AKAP13: variants seen among roughly 807,000 people sequenced by gnomAD.
AKAP13 encodes the protein A-kinase anchor protein 13.
Under a neutral mutation model 264.5 loss-of-function variants are expected in AKAP13, and 80 were observed. The ratio of observed to expected loss-of-function variants is 0.30; its 90% CI spans 0.25 to 0.36. The LOEUF (loss-of-function observed/expected upper bound fraction) is 0.36. Ranked by LOEUF, AKAP13 falls within the 10% of genes least tolerant of loss-of-function variation. AKAP13 has a pLI of 1.00. For missense variants in AKAP13, 3,712 were observed against 3,435.2 expected, an observed-to-expected ratio of 1.08 and a Z score of -2.01; for synonymous variants, 1,380 against 1,250.2, an observed-to-expected ratio of 1.10 and a Z score of -2.19.
chr15:85,648,429 A>C (rs2082657338), intron 10 of AKAP13, among the ~76,000 whole-genome samples: 2 of 152,194 alleles, frequency 1.3e-5, no homozygotes, highest in African/African-American at 4.8e-5. Flanking sequence ...TTAGCTAAGG[A>C]GAATTAGAAT....
chr15:85,742,990 TAA>T (rs1491573049), intron 35 of AKAP13, among the ~76,000 whole-genome samples: 2 of 152,166 alleles, frequency 1.3e-5, no homozygotes, highest in African/African-American at 4.8e-5. Flanking sequence ...CCCAGGCAGC[TAA>T]GAGAACCCAG....
At chr15:85,704,813 G>A (rs982579034) in intron 17 of AKAP13, among the ~76,000 whole-genome samples, 2 of 152,148 alleles carry the variant, frequency 1.3e-5, no homozygotes, top group Non-Finnish European at 2.9e-5. Flanking sequence ...TTGTGTTCTT[G>A]GTAATTTTCT....
rs1279517466 is a variant in AKAP13 at position 85,709,681 on chromosome 15, T to TTTTATTTTATTTTAC, written c.5533-884_5533-883insCTTTATTTTATTTTA. 3.7e-4 allele frequency among the ~76,000 whole-genome samples: 56 copies of TTTTATTTTATTTTAC among 151,566 alleles called. No homozygotes were observed. In the East Asian group the frequency reaches 0.01, roughly 27 times the overall value. ...GGGAATTTTATTTTATTTTATTTTA[T>TTTTATTTTATTTTAC]TTTATTTTATTTTATTTTATTTTAG... On this transcript the variant is annotated intron_variant, in intron 18 of 36. Transcript: ENST00000394518.
chr15:85,673,923 C>T (rs1338572862), intron 14 of AKAP13, among the ~76,000 whole-genome samples: 2 of 151,766 alleles, frequency 1.3e-5, no homozygotes, highest in Non-Finnish European at 2.9e-5. Context: ...GATCTCCTGA[C>T]CTCATGATCT....
intron 1 of AKAP13, among the ~76,000 whole-genome samples, chr15:85,406,717 T>G (rs1259233055): frequency 6.6e-6 from 1 of 151,778 alleles, no homozygotes; most frequent in Non-Finnish European, 1.5e-5. Flanking sequence ...AATTGGCTAA[T>G]AAGTTGTTTG....
chr15:85,684,570 A>G (rs1366063811), intron 15 of AKAP13, 171 bp from the exon 16 acceptor site: 8 of 628,358 alleles, frequency 1.3e-5, no homozygotes, highest in Non-Finnish European at 1.9e-5. Flanking sequence ...ACAAGAAAAC[A>G]TTAGTGACGG....
intron 5 of AKAP13, among the ~76,000 whole-genome samples, chr15:85,570,416 C>T (rs552869711): frequency 1.3e-5 from 2 of 152,320 alleles, no homozygotes; most frequent in East Asian, 1.9e-4. Flanking sequence ...CGCGCCACTG[C>T]TCTCCAGCCT....
intron 1 of AKAP13, among the ~76,000 whole-genome samples, chr15:85,399,225 G>A (rs1478181931): frequency 2.6e-5 from 4 of 151,922 alleles, no homozygotes; most frequent in East Asian, 1.9e-4. Context: ...GGCCGGGCGC[G>A]GTGGCTCACG....
At chr15:85,628,304 T>C (rs542418467) in intron 8 of AKAP13, among the ~76,000 whole-genome samples, 1 of 152,320 alleles carries the variant, frequency 6.6e-6, no homozygotes, top group Admixed American at 6.5e-5. Flanking sequence ...TAACCTGGTT[T>C]CTTGCCTAAA....
intron 1 of AKAP13, among the ~76,000 whole-genome samples, chr15:85,424,794 T>G (rs1318495594): frequency 1.3e-5 from 2 of 152,312 alleles, no homozygotes; most frequent in East Asian, 1.9e-4. Flanking sequence ...TGTGTGATTC[T>G]TCCTTTCACT....
At chr15:85,460,881 A>T (rs1375456019) in intron 1 of AKAP13, among the ~76,000 whole-genome samples, 10 of 152,156 alleles carry the variant, frequency 6.6e-5, no homozygotes, top group Admixed American at 6.5e-4. Flanking sequence ...TGTAGCTCAG[A>T]TGGCACCTTG....
At chr15:85,677,895 G>A (rs1238768898) in intron 14 of AKAP13, among the ~76,000 whole-genome samples, 1 of 152,054 alleles carries the variant, frequency 6.6e-6, no homozygotes, top group Non-Finnish European at 1.5e-5. Context: ...TGATCCGCCT[G>A]CCTCGGCCTC....
intron 8 of AKAP13, among the ~76,000 whole-genome samples, chr15:85,614,718 C>A (rs552751240): frequency 5.9e-5 from 9 of 152,284 alleles, no homozygotes; most frequent in African/African-American, 2.2e-4. Flanking sequence ...CTGATTTACA[C>A]AACTGAGTTT....
At chr15:85,439,020 A>C (rs1175604776) in intron 1 of AKAP13, among the ~76,000 whole-genome samples, 6 of 148,280 alleles carry the variant, frequency 4.0e-5, no homozygotes, top group South Asian at 4.4e-4. Context: ...CTACCATCAG[A>C]GTGAACAGGC....
intron 1 of AKAP13, among the ~76,000 whole-genome samples, chr15:85,476,641 A>G (rs896040039): frequency 5.3e-5 from 8 of 152,220 alleles, no homozygotes; most frequent in Non-Finnish European, 1.2e-4. Context: ...CACAGCCAGT[A>G]AGTGCCACAT....
rs545306761 is a variant in AKAP13 at position 85,433,066 on chromosome 15, C to A, written c.-12+52268C>A. ...AGTTTTTAAAATATTAAATCATATACCATTATTTTCTCCTTTTTCCCCCCT... is the reference window on the plus strand; with the variant it reads ...AGTTTTTAAAATATTAAATCATATAACATTATTTTCTCCTTTTTCCCCCCT... On this transcript the variant is annotated intron_variant, in intron 1 of 36. Transcript: ENST00000394518. 7.4e-5 allele frequency among the ~76,000 whole-genome samples: 11 copies of A among 149,166 alleles called. No homozygotes were observed. The East Asian group carries it at 1.9e-3, about 26-fold the overall frequency.
chr15:85,678,505 A>G (rs185667465), intron 14 of AKAP13, among the ~76,000 whole-genome samples: 1 of 152,342 alleles, frequency 6.6e-6, no homozygotes, highest in Admixed American at 6.5e-5. Flanking sequence ...AATAGAAGGA[A>G]GGTTGTGAAA....
chr15:85,433,208 G>C (rs2150930568), intron 1 of AKAP13, among the ~76,000 whole-genome samples: 1 of 128,144 alleles, frequency 7.8e-6, no homozygotes, highest in African/African-American at 3.0e-5. Flanking sequence ...CCAGTTCTCT[G>C]TTGTTAGACA....
intron 8 of AKAP13, among the ~76,000 whole-genome samples, chr15:85,623,600 G>C (rs370458052): frequency 6.6e-6 from 1 of 152,140 alleles, no homozygotes; most frequent in East Asian, 1.9e-4. Flanking sequence ...GGCTGGGTAC[G>C]CTAGTGTCAT....
Sources: gnomAD v4.1 joint callset for allele counts (sites outside exome capture counted in the v4.1 genomes callset) on GRCh38, gnomAD v4.1.1 for gene constraint, MANE v1.5 for transcripts, NCBI Gene and HGNC (gene_info 2026-07-23, HGNC 2026-07-21) for gene names.